The following TMPRSS2 variants were observed in gnomAD, a reference collection of about 807,000 sequenced individuals.
The protein encoded by TMPRSS2 is transmembrane protease serine 2.
A neutral mutation model predicts 67.4 loss-of-function variants in TMPRSS2; 59 were observed. That is an observed-to-expected ratio of 0.88 (90% CI 0.71 to 1.09). The LOEUF (loss-of-function observed/expected upper bound fraction) is 1.09, where lower values mean the gene tolerates loss of function less well. Ranked by LOEUF, TMPRSS2 falls within the 50% of genes least tolerant of loss-of-function variation. The pLI, the probability that TMPRSS2 is intolerant of heterozygous loss-of-function variation, is 0.00. For synonymous variants in TMPRSS2, 257 were observed against 257.0 expected (o/e 1.00, Z 0.00); for missense variants, 668 against 642.7 (o/e 1.04, Z -0.43).
intron 8 of TMPRSS2, among the ~76,000 whole-genome samples, chr21:41,474,742 G>A (rs190274001): frequency 0.014 from 2 of 144 alleles, 1 homozygote; most frequent in Non-Finnish European, 0.045. Context: ...GTGAGTGAGG[G>A]GGTGAGGGGG....
intron 10 of TMPRSS2, among the ~76,000 whole-genome samples, chr21:41,471,360 A>G (rs916302778): frequency 6.6e-6 from 1 of 152,250 alleles, no homozygotes; most frequent in African/African-American, 2.4e-5. Context: ...GTAGTTCTCA[A>G]CTGGAAGTGA....
chr21:41,505,451 T>C (rs1006993800), intron 1 of TMPRSS2, among the ~76,000 whole-genome samples: 28 of 152,184 alleles, frequency 1.8e-4, no homozygotes, highest in Admixed American at 2.6e-4. Flanking sequence ...GTGGTGGTGG[T>C]TACTGGCATA....
In TMPRSS2 at chr21:41,465,985, C is replaced by T. The variant is rs1041292981; in HGVS notation, c.*157G>A. 2.2e-6 allele frequency: 2 copies of T among 893,190 alleles called. No individual in the cohort carries two copies. The highest frequency in any genetic ancestry group is 5.2e-5 in the East Asian group (2 of 38,234). The allele number at this position is 893,190 out of a possible 1,614,324, so 55.3% of individuals were successfully genotyped here. ...TGGGCAGGGGAGCCACTGCAGCCTGCACAGAATGGCAGAGAGTGCCAAAGC... is the reference window on the plus strand; with the variant it reads ...TGGGCAGGGGAGCCACTGCAGCCTGTACAGAATGGCAGAGAGTGCCAAAGC... On this transcript the variant is annotated 3_prime_UTR_variant, in exon 14 of 14. Coordinates refer to ENST00000332149, the MANE Select transcript of TMPRSS2 (RefSeq NM_005656.4).
chr21:41,504,998 G>C (rs927033958), intron 1 of TMPRSS2, among the ~76,000 whole-genome samples: 1 of 152,134 alleles, frequency 6.6e-6, no homozygotes, highest in East Asian at 1.9e-4. Context: ...TGCAGAGCAG[G>C]AGGGACCAGA....
chr21:41,485,485 C>CA (rs376454804), intron 5 of TMPRSS2, among the ~76,000 whole-genome samples: 1,909 of 151,820 alleles, frequency 0.013, 24 homozygotes, highest in Non-Finnish European at 0.022. Context: ...CCATTTTCTA[C>CA]AAAAAATACA....
At chr21:41,496,027 T>C (rs1191704827) in intron 2 of TMPRSS2, among the ~76,000 whole-genome samples, 2 of 152,232 alleles carry the variant, frequency 1.3e-5, no homozygotes, top group Non-Finnish European at 2.9e-5. Flanking sequence ...CCTGTACTTT[T>C]AGTTCCTCCA....
chr21:41,502,410 C>T (rs1486043523), intron 1 of TMPRSS2: 5 of 985,266 alleles, frequency 5.1e-6, no homozygotes, highest in East Asian at 1.1e-4. Flanking sequence ...TTCTCCTTCT[C>T]GAAGCCCCCA....
At chr21:41,506,137 C>T (rs529550811) in intron 1 of TMPRSS2, among the ~76,000 whole-genome samples, 6 of 152,340 alleles carry the variant, frequency 3.9e-5, no homozygotes, top group Middle Eastern at 6.8e-3. Flanking sequence ...GAGTGGCCAA[C>T]GGTGCCAGGC....
chr21:41,468,574 G>A, intron 11 of TMPRSS2, 36 bp from the exon 12 acceptor site: 1 of 1,611,214 alleles, frequency 6.2e-7, no homozygotes, highest in Non-Finnish European at 8.5e-7. Flanking sequence ...TCCCAGTGTT[G>A]CCTGCAGCTC....
At chr21:41,481,738 T>C (rs1173454121) in intron 5 of TMPRSS2, among the ~76,000 whole-genome samples, 1 of 152,156 alleles carries the variant, frequency 6.6e-6, no homozygotes, top group East Asian at 1.9e-4. Context: ...TTATGGTACA[T>C]AAATTAGATC....
At position 41,498,206 on chromosome 21, in the gene TMPRSS2, C is replaced by T. The variant is rs1243732412; in HGVS notation, c.-56-17G>A. ...CAATATGACCTAGAAGAAAGAATTA[C>T]AGGACTGTAATATTTCCATACCAGT... On this transcript the variant is annotated splice_polypyrimidine_tract_variant and intron_variant, in intron 1 of 13. Transcript: ENST00000332149. 1.9e-6 allele frequency: 3 copies of T among 1,553,320 alleles called. No homozygotes were observed. The highest frequency in any genetic ancestry group is 1.7e-5 in the Admixed American group (1 of 59,094).
At chr21:41,480,721 C>G (rs1262237171) in intron 5 of TMPRSS2, 119 bp from the exon 6 acceptor site, 1 of 1,401,136 alleles carries the variant, frequency 7.1e-7, no homozygotes, top group African/African-American at 1.4e-5. Context: ...TCACTGCAGC[C>G]TCCGCCTCCC....
In TMPRSS2 at chr21:41,476,585, C is replaced by T. The variant is rs760039204; in HGVS notation, c.719G>A (p.Arg240His). 32 of 1,613,142 alleles carry T rather than the reference C, an allele frequency of 2.0e-5. No individual in the cohort carries two copies. The highest frequency in any genetic ancestry group is 6.6e-5 in the South Asian group (6 of 91,046). Reference sequence around the variant, plus strand: ...ACTCCAGATGAACTTACCTATACAGCGTAAAGAAACCACTGCTTTTGAAGA... The same window carrying T: ...ACTCCAGATGAACTTACCTATACAGTGTAAAGAAACCACTGCTTTTGAAGA... ...ACSSKAVVSLRCIACGVNLNS... is the reference protein window; with the variant it reads ...ACSSKAVVSLHCIACGVNLNS... The change falls in exon 8 of 14, where the codon CGC (arginine) becomes CAC (histidine). Residue 240 changes from arginine (R) to histidine (H), a missense_variant. Physicochemically the swap from Arg to His is conservative, Grantham distance 29. Transcript: ENST00000332149.
At chr21:41,503,781 G>C (rs926689759) in intron 1 of TMPRSS2, among the ~76,000 whole-genome samples, 4 of 152,168 alleles carry the variant, frequency 2.6e-5, no homozygotes, top group Admixed American at 6.5e-5. Flanking sequence ...TGAGCATCAA[G>C]ACCAGACATA....
At chr21:41,488,813 T>G (rs1425491637) in intron 4 of TMPRSS2, among the ~76,000 whole-genome samples, 2 of 152,280 alleles carry the variant, frequency 1.3e-5, no homozygotes, top group East Asian at 3.9e-4. Flanking sequence ...AATTTTTGTA[T>G]TTTTAGTAGA....
At chr21:41,506,913 G>C (rs1307558726) in intron 1 of TMPRSS2, among the ~76,000 whole-genome samples, 1 of 152,202 alleles carries the variant, frequency 6.6e-6, no homozygotes, top group Non-Finnish European at 1.5e-5. Context: ...CACTGCACAG[G>C]TTCGCACGGA....
chr21:41,494,522 G>C lies in TMPRSS2; in HGVS notation c.72C>G (p.Asn24Lys). Reference protein sequence around the residue: ...YYENHGYQPENPYPAQPTVVP... With the variant: ...YYENHGYQPEKPYPAQPTVVP... ...CCACAGTGGGCTGTGCGGGATAGGG[G>C]TTTTCCGGTTGGTATCCATGGTTTT... Residue 24 changes from asparagine to lysine, a missense_variant, in exon 3 of 14, where the codon AAC (asparagine) becomes AAG (lysine). Physicochemically the swap from Asn to Lys is moderately conservative, Grantham distance 94 (BLOSUM62 0). Coordinates refer to ENST00000332149, the MANE Select transcript of TMPRSS2 (RefSeq NM_005656.4). 6.2e-7 allele frequency: 1 copy of C among 1,613,980 alleles called. No homozygotes were observed. Among genetic ancestry groups the C allele is most frequent in the Non-Finnish European group, 8.5e-7 (1 of 1,179,984 alleles).
intron 8 of TMPRSS2, among the ~76,000 whole-genome samples, chr21:41,476,116 A>G (rs1265767138): frequency 2.0e-5 from 3 of 152,182 alleles, no homozygotes; most frequent in Non-Finnish European, 4.4e-5. Flanking sequence ...AGAAGAGGCA[A>G]GAGCACTGTT....
chr21:41,484,807 G>A (rs1233942837), intron 5 of TMPRSS2, among the ~76,000 whole-genome samples: 1 of 152,074 alleles, frequency 6.6e-6, no homozygotes, highest in African/African-American at 2.4e-5. Context: ...CCACCAAGAA[G>A]AGACAGGGGC....
Sources: gnomAD v4.1 joint callset for allele counts (sites outside exome capture counted in the v4.1 genomes callset) on GRCh38, gnomAD v4.1.1 for gene constraint, MANE v1.5 for transcripts, NCBI Gene and HGNC (gene_info 2026-07-23, HGNC 2026-07-21) for gene names.